The following SIDT1 variants were observed in gnomAD, a reference collection of about 807,000 sequenced individuals.
SIDT1 encodes the protein SID1 transmembrane family member 1.
SIDT1 carries 101 observed loss-of-function variants against 107.5 expected under a neutral mutation model. That is an observed-to-expected ratio of 0.94 (90% CI 0.80 to 1.11). The LOEUF (loss-of-function observed/expected upper bound fraction) is 1.11. Among genes scored for constraint, SIDT1 ranks in the 50% least tolerant of loss-of-function variants. The pLI is 0.00. For synonymous variants in SIDT1, 395 were observed against 398.2 expected (o/e 0.99, Z 0.10); for missense variants, 1,076 against 1,058.2 (o/e 1.02, Z -0.23).
intron 9 of SIDT1, among the ~76,000 whole-genome samples, chr3:113,588,498 C>A (rs941557168): frequency 6.6e-6 from 1 of 152,172 alleles, no homozygotes; most frequent in African/African-American, 2.4e-5. Flanking sequence ...GCTATGAGAT[C>A]AGGATAAAAA....
intron 13 of SIDT1, 62 bp downstream of exon 13, chr3:113,604,095 C>G (rs1403464070): frequency 3.4e-6 from 4 of 1,183,416 alleles, no homozygotes; most frequent in Admixed American, 2.1e-5. Context: ...TTAGTCAGAG[C>G]CACAACCACT....
intron 17 of SIDT1, 38 bp downstream of exon 17, chr3:113,608,574 G>A (rs978074188): frequency 1.1e-5 from 16 of 1,433,122 alleles, no homozygotes; most frequent in Middle Eastern, 1.7e-4. Flanking sequence ...GATTTGAATC[G>A]TCAGTCTTAT....
chr3:113,540,686 G>C (rs937485112), intron 1 of SIDT1, among the ~76,000 whole-genome samples: 2 of 152,234 alleles, frequency 1.3e-5, no homozygotes, highest in East Asian at 1.9e-4. Context: ...CATAGCTTCT[G>C]TCCTTGTCTT....
chr3:113,581,255 C>T (rs1034674430), intron 5 of SIDT1, 106 bp from the exon 6 acceptor site: 6 of 887,714 alleles, frequency 6.8e-6, no homozygotes, highest in Middle Eastern at 2.7e-4. Flanking sequence ...AATAAGGATC[C>T]CCTGCTCTGT....
chr3:113,549,092 C>A (rs971536820), intron 1 of SIDT1, among the ~76,000 whole-genome samples: 1 of 152,044 alleles, frequency 6.6e-6, no homozygotes, highest in Admixed American at 6.6e-5. Flanking sequence ...TGCCTCATTT[C>A]TTTTTAATGC....
chr3:113,634,947 G>A, the SIDT1 span, among the ~76,000 whole-genome samples: 1 of 152,168 alleles, frequency 6.6e-6, no homozygotes, highest in African/African-American at 2.4e-5. Flanking sequence ...GAAGCATTTT[G>A]GCTCTCTAAA....
chr3:113,599,785 G>A (rs1944827172), intron 10 of SIDT1, among the ~76,000 whole-genome samples: 1 of 152,140 alleles, frequency 6.6e-6, no homozygotes, highest in Non-Finnish European at 1.5e-5. Context: ...CTGCAGGCAG[G>A]TAGGATGAAT....
chr3:113,542,836 A>G (rs534954152), intron 1 of SIDT1, among the ~76,000 whole-genome samples: 1 of 150,316 alleles, frequency 6.7e-6, no homozygotes, highest in East Asian at 2.0e-4. Flanking sequence ...TTTGGATTGC[A>G]CTCCCATAGT....
At chr3:113,632,546 T>C (rs954498889), downstream of SIDT1, among the ~76,000 whole-genome samples, 1 of 152,220 alleles carries the variant, frequency 6.6e-6, no homozygotes, top group Non-Finnish European at 1.5e-5. Flanking sequence ...AATAAGCTTT[T>C]TGAGGGGGTG....
intron 3 of SIDT1, among the ~76,000 whole-genome samples, chr3:113,569,918 A>AT (rs1056501869): frequency 6.6e-6 from 1 of 152,012 alleles, no homozygotes; most frequent in Admixed American, 6.6e-5. Context: ...TTTAATATAT[A>AT]TTTTTTGAGA....
chr3:113,571,510 A>ACG (rs1942450833), intron 3 of SIDT1, among the ~76,000 whole-genome samples: 1 of 151,916 alleles, frequency 6.6e-6, no homozygotes. Flanking sequence ...ACACACACAC[A>ACG]TAAACTGTGC....
intron 11 of SIDT1, 32 bp downstream of exon 11, chr3:113,601,691 T>C: frequency 6.6e-7 from 1 of 1,517,336 alleles, no homozygotes; most frequent in Non-Finnish European, 9.1e-7. Context: ...CATGAAAGTG[T>C]TTCCTAATTC....
chr3:113,607,215 A>C, intron 15 of SIDT1, 101 bp downstream of exon 15: 1 of 757,954 alleles, frequency 1.3e-6, no homozygotes, highest in Non-Finnish European at 2.3e-6. Flanking sequence ...ACTGTGGAAA[A>C]CGACCCTATT....
At chr3:113,543,820 C>T (rs925474002) in intron 1 of SIDT1, among the ~76,000 whole-genome samples, 6 of 152,150 alleles carry the variant, frequency 3.9e-5, no homozygotes, top group African/African-American at 1.4e-4. Context: ...ACATTTTGTC[C>T]AATTTGCTTT....
intron 2 of SIDT1, 93 bp downstream of exon 2, chr3:113,566,634 T>A (rs1941943292): frequency 2.8e-6 from 4 of 1,417,714 alleles, no homozygotes; most frequent in Non-Finnish European, 3.9e-6. Context: ...AAAGGAAAAA[T>A]CAGACATTTG....
In SIDT1 at chr3:113,532,945, G is replaced by A; in HGVS notation, c.-77G>A. On this transcript the variant is annotated 5_prime_UTR_variant, in exon 1 of 25. Coordinates refer to ENST00000264852, the MANE Select transcript of SIDT1 (RefSeq NM_017699.3). ...GAAGCGGACGCCTGGCCCTGCACCG[G>A]GCTTTGGAAGGACCCTCTCTGCGCT... 1 of 1,042,674 alleles carries A rather than the reference G, an allele frequency of 9.6e-7. No individual in the cohort carries two copies. The highest frequency in any genetic ancestry group is 1.3e-6 in the Non-Finnish European group (1 of 793,228). The allele number at this position is 1,042,674 out of a possible 1,614,324, so 64.6% of individuals were successfully genotyped here. A position where few individuals can be genotyped will look rare whatever the true frequency, so the allele number is the denominator to read the frequency against.
chr3:113,584,377 T>G (rs1392575337), intron 7 of SIDT1, among the ~76,000 whole-genome samples: 1 of 152,230 alleles, frequency 6.6e-6, no homozygotes, highest in East Asian at 1.9e-4. Context: ...TTTCTTCACA[T>G]GGCTGTGGAT....
chr3:113,574,031 G>A (rs1942698682), intron 3 of SIDT1, among the ~76,000 whole-genome samples: 1 of 152,132 alleles, frequency 6.6e-6, no homozygotes, highest in Non-Finnish European at 1.5e-5. Context: ...AAGAGAGGAA[G>A]GACATAGGAT....
chr3:113,591,983 A>G (rs1944191569), intron 9 of SIDT1, among the ~76,000 whole-genome samples: 2 of 152,240 alleles, frequency 1.3e-5, no homozygotes, highest in Non-Finnish European at 2.9e-5. Flanking sequence ...GTACTGACGC[A>G]TACTACAGCA....
Sources: allele counts gnomAD v4.1 joint callset (sites outside exome capture counted in the v4.1 genomes callset), GRCh38; gene constraint gnomAD v4.1.1; transcripts MANE v1.5; gene names NCBI Gene and HGNC (gene_info 2026-07-23, HGNC 2026-07-21).